The following NKIRAS1 variants were observed in gnomAD, a reference collection of about 807,000 sequenced individuals.
The protein encoded by NKIRAS1 is NF-kappa-B inhibitor-interacting Ras-like protein 1.
In NKIRAS1, 16 loss-of-function variants were observed where a neutral mutation model predicts 19.8. That is an observed-to-expected ratio of 0.81 (90% confidence interval 0.55 to 1.23). The LOEUF is 1.23. NKIRAS1 is among the 50% of genes most tolerant of loss of function. The pLI is 0.00. For synonymous variants in NKIRAS1, 88 were observed against 79.0 expected, an observed-to-expected ratio of 1.11 and a Z score of -0.61; for missense variants, 184 against 220.0, an observed-to-expected ratio of 0.84 and a Z score of 1.04.
chr3:23,890,386 G>A lies in NKIRAS1; in HGVS notation c.*2709C>T, dbSNP rs1255805258. 47 of 799,600 alleles carry A rather than the reference G, an allele frequency of 5.9e-5. No individual in the cohort carries two copies. Among genetic ancestry groups the A allele is most frequent in the Non-Finnish European group, 8.8e-5 (46 of 522,094 alleles). 49.5% of individuals were successfully genotyped at this position (799,600 alleles called of 1,614,324 possible). A position where few individuals can be genotyped will look rare whatever the true frequency, so the allele number is the denominator to read the frequency against. ...AAAATATCCAGCATGGTGGAGTGGTGTTTCGAAGATGGGTTTGATCACACA... is the reference window on the plus strand; with the variant it reads ...AAAATATCCAGCATGGTGGAGTGGTATTTCGAAGATGGGTTTGATCACACA... On this transcript the variant is annotated 3_prime_UTR_variant, in exon 5 of 5. Transcript: ENST00000425478.
chr3:23,925,637 A>AAAATAAAT (rs146116439), intron 1 of NKIRAS1, among the ~76,000 whole-genome samples: 20,312 of 151,342 alleles, frequency 0.13, 2,089 homozygotes, highest in African/African-American at 0.28. Context: ...CTGTCTCAAA[A>AAAATAAAT]AAATAAATAA....
At chr3:23,912,423 A>T (rs1309037035) in intron 1 of NKIRAS1, among the ~76,000 whole-genome samples, 1 of 152,242 alleles carries the variant, frequency 6.6e-6, no homozygotes, top group Non-Finnish European at 1.5e-5. Context: ...TTATGCAGCC[A>T]ACAGACACAT....
chr3:23,894,153 T>C (rs1317946152), intron 4 of NKIRAS1, among the ~76,000 whole-genome samples: 1 of 152,184 alleles, frequency 6.6e-6, no homozygotes, highest in African/African-American at 2.4e-5. Flanking sequence ...CACGAATGCT[T>C]ACTATACACC....
Position 23,890,673 on chromosome 3 carries a change from G to T in NKIRAS1, c.*2422C>A. ...AGAGAGCTGCTTATGATTTTGAAGGGGTCAGGGAGGGTGGGAGTTGGTAAA... is the reference window on the plus strand; with the variant it reads ...AGAGAGCTGCTTATGATTTTGAAGGTGTCAGGGAGGGTGGGAGTTGGTAAA... On this transcript the variant is annotated 3_prime_UTR_variant, in exon 5 of 5. Coordinates refer to ENST00000425478, the MANE Select transcript of NKIRAS1 (RefSeq NM_020345.4). 7.4e-7 allele frequency: 1 copy of T among 1,346,176 alleles called. No individual in the cohort carries two copies. The highest frequency in any genetic ancestry group is 1.3e-5 in the South Asian group (1 of 76,264). The allele number at this position is 1,346,176 out of a possible 1,614,324, so 83.4% of individuals were successfully genotyped here.
At chr3:23,911,997 C>T (rs1207307854) in intron 1 of NKIRAS1, among the ~76,000 whole-genome samples, 1 of 151,788 alleles carries the variant, frequency 6.6e-6, no homozygotes, top group Admixed American at 6.6e-5. Context: ...CTCCTGACCT[C>T]AAGTGATCCG....
rs1307607948 is a variant in NKIRAS1, at chr3:23,890,322, T to C, written c.*2773A>G. On this transcript the variant is annotated 3_prime_UTR_variant, in exon 5 of 5. Transcript: ENST00000425478. ...AGTACACTAAAGCCTAAGCATTCCCTCTTCCCCCAACGTTATGTTTTTTTG... is the reference window on the plus strand; with the variant it reads ...AGTACACTAAAGCCTAAGCATTCCCCCTTCCCCCAACGTTATGTTTTTTTG... Among the ~76,000 whole-genome samples the C allele has an allele frequency of 6.6e-6, 1 of 152,218 alleles. No homozygotes were observed. The highest frequency in any genetic ancestry group is 2.4e-5 in the African/African-American group (1 of 41,454).
chr3:23,921,666 C>T (rs1243809051), upstream of NKIRAS1: 3 of 684,030 alleles, frequency 4.4e-6, no homozygotes, highest in Non-Finnish European at 7.9e-6. Flanking sequence ...CCTCTGTCTC[C>T]CGGGTTTGAG....
intron 1 of NKIRAS1, among the ~76,000 whole-genome samples, chr3:23,945,929 AC>A (rs1488090595): frequency 1.2e-4 from 18 of 148,092 alleles, no homozygotes; most frequent in Non-Finnish European, 1.5e-5. Flanking sequence ...ACGCGGCATT[AC>A]ATAATGGGCG....
intron 3 of NKIRAS1, among the ~76,000 whole-genome samples, chr3:23,903,032 ATGCCCC>A (rs1375530692): frequency 6.6e-6 from 1 of 152,166 alleles, no homozygotes; most frequent in Non-Finnish European, 1.5e-5. Context: ...TCCCCAATAA[ATGCCCC>A]TGCCAGATCA....
chr3:23,919,916 A>G (rs1704977973), upstream of NKIRAS1: 1 of 990,734 alleles, frequency 1.0e-6, no homozygotes, highest in African/African-American at 1.7e-5. Context: ...GCAGGTGTAG[A>G]CTTTTTAAGT....
intron 1 of NKIRAS1, among the ~76,000 whole-genome samples, chr3:23,928,763 G>A (rs1575129532): frequency 6.6e-6 from 1 of 151,190 alleles, no homozygotes; most frequent in East Asian, 1.9e-4. Context: ...AGGCCGAGAA[G>A]GGTGGATTGC....
chr3:23,897,364 G>A lies in NKIRAS1; in HGVS notation c.336+3444C>T, dbSNP rs1234958615. ...AGGATCTTGGTGGTTGAGGACAGCT[G>A]TGGGAACCAGACTGAACACAGTCCT... is the stretch of plus-strand genomic sequence containing the variant. On this transcript the variant is annotated intron_variant, in intron 4 of 4. Transcript: ENST00000425478. 2.0e-5 allele frequency among the ~76,000 whole-genome samples: 3 copies of A among 152,148 alleles called. No individual in the cohort carries two copies. In the East Asian group the frequency reaches 5.8e-4, roughly 29 times the overall value.
chr3:23,898,458 T>TC (rs1305470793), intron 4 of NKIRAS1, among the ~76,000 whole-genome samples: 1 of 151,146 alleles, frequency 6.6e-6, no homozygotes, highest in Non-Finnish European at 1.5e-5. Context: ...TTTTTTTTTT[T>TC]CCGAGACAGA....
intron 1 of NKIRAS1, chr3:23,945,468 C>T: frequency 3.4e-6 from 2 of 584,482 alleles, no homozygotes; most frequent in Non-Finnish European, 4.5e-6. Flanking sequence ...ATGAGGGGGC[C>T]CCGCGACCAC....
rs1451645067 is a variant in NKIRAS1, at chr3:23,927,383, A to T, written c.-139-15933T>A. Among the ~76,000 whole-genome samples, 1 of 152,158 alleles carries T rather than the reference A, an allele frequency of 6.6e-6. No homozygotes were observed. The highest frequency in any genetic ancestry group is 1.5e-5 in the Non-Finnish European group (1 of 68,028). Reference sequence around the variant, plus strand: ...ATTTCTTAGTTGAGGAAAGAAAAAAAAACCTACTGCGAAGGTGCTATAGTT... The same window carrying T: ...ATTTCTTAGTTGAGGAAAGAAAAAATAACCTACTGCGAAGGTGCTATAGTT... On this transcript the variant is annotated intron_variant, in intron 1 of 4. Transcript: ENST00000421515. The surrounding 1 kb of genome is among the most constrained non-coding windows in gnomAD (Gnocchi z 4.0).
At chr3:23,919,020 A>C, upstream of NKIRAS1, 1 of 609,356 alleles carries the variant, frequency 1.6e-6, no homozygotes, top group Non-Finnish European at 2.9e-6. Flanking sequence ...TTGTTTTAGC[A>C]AGTCTACATT....
In NKIRAS1 at chr3:23,910,872, TCCACAAACCACAAC is replaced by T; in HGVS notation, c.19_32del (p.Val7IlefsTer50). On this transcript the variant is annotated frameshift_variant, in exon 3 of 5. Coordinates refer to ENST00000425478, the MANE Select transcript of NKIRAS1 (RefSeq NM_020345.4). LOFTEE classifies it high-confidence loss of function. ...TTGCAGTTTTCCCCACAGATAACAA[TCCACAAACCACAAC>T]CTTGCAGCCCTTTCCCATCTTCTCT... is the stretch of plus-strand genomic sequence containing the variant. 6.2e-7 allele frequency: 1 copy of T among 1,614,112 alleles called. No individual in the cohort carries two copies. Among genetic ancestry groups the T allele is most frequent in the South Asian group, 1.1e-5 (1 of 91,080 alleles).
At chr3:23,943,393 G>A (rs1705545736) in intron 1 of NKIRAS1, among the ~76,000 whole-genome samples, 1 of 152,088 alleles carries the variant, frequency 6.6e-6, no homozygotes, top group Admixed American at 6.5e-5. Context: ...CCACCACCCC[G>A]GCTAATTTTG....
At chr3:23,946,315 C>T (rs1171747028) in intron 1 of NKIRAS1, 1 of 983,882 alleles carries the variant, frequency 1.0e-6, no homozygotes, top group South Asian at 4.7e-5. Context: ...AGGCTGGTAG[C>T]TGCATACCTT....
Sources: gnomAD v4.1 joint callset for allele counts (sites outside exome capture counted in the v4.1 genomes callset) on GRCh38, gnomAD v4.1.1 for gene constraint, Gnocchi (gnomAD v3.1) non-coding constraint, MANE v1.5 for transcripts, NCBI Gene and HGNC (gene_info 2026-07-23, HGNC 2026-07-21) for gene names.